The following SSU72 variants were observed in gnomAD, a reference collection of about 807,000 sequenced individuals.
The protein encoded by SSU72 is RNA polymerase II subunit A C-terminal domain phosphatase SSU72.
A neutral mutation model predicts 22.7 loss-of-function variants in SSU72; 12 were observed. The ratio of observed to expected loss-of-function variants is 0.53; its 90% confidence interval spans 0.34 to 0.86. The LOEUF (loss-of-function observed/expected upper bound fraction) is 0.86. SSU72 is among the 40% of genes least tolerant of loss of function. The probability of loss-of-function intolerance (pLI) is 0.02; values close to 1 mark genes in which losing one functional copy is unlikely to be tolerated. For missense variants in SSU72, 151 were observed against 249.8 expected, an observed-to-expected ratio of 0.60 and a Z score of 2.67; for synonymous variants, 116 against 98.3, an observed-to-expected ratio of 1.18 and a Z score of -1.06.
chr1:1,544,767 T>C (rs774689772), intron 3 of SSU72, 96 bp downstream of exon 3: 8 of 1,576,320 alleles, frequency 5.1e-6, no homozygotes, highest in Middle Eastern at 1.7e-4. Flanking sequence ...CCCGCCACTC[T>C]AGACGGGCTG....
chr1:1,557,392 G>A (rs1384556713), intron 2 of SSU72, among the ~76,000 whole-genome samples: 3 of 151,884 alleles, frequency 2.0e-5, no homozygotes, highest in Non-Finnish European at 2.9e-5. Flanking sequence ...CAGCCTGGGC[G>A]ACAGAACAAG....
intron 1 of SSU72, among the ~76,000 whole-genome samples, chr1:1,568,711 G>T (rs1642692045): frequency 6.6e-6 from 1 of 151,894 alleles, no homozygotes; most frequent in Non-Finnish European, 1.5e-5. Flanking sequence ...GATCACTTGA[G>T]GTCGGGAGTT....
At chr1:1,558,269 T>A (rs1570391894) in intron 2 of SSU72, among the ~76,000 whole-genome samples, 1 of 149,438 alleles carries the variant, frequency 6.7e-6, no homozygotes, top group Admixed American at 6.7e-5. Context: ...GAGGGTGACG[T>A]GGCAGGATCA....
intron 4 of SSU72, among the ~76,000 whole-genome samples, chr1:1,543,050 A>G (rs931078725): frequency 1.3e-5 from 2 of 151,210 alleles, no homozygotes; most frequent in Admixed American, 6.6e-5. Flanking sequence ...TCATCAAATC[A>G]CAGAGGCAGA....
rs1238756090 is a variant in SSU72 at position 1,554,336 on chromosome 1, G to A, written c.225-9334C>T. 6.6e-6 allele frequency among the ~76,000 whole-genome samples: 1 copy of A among 151,832 alleles called. No homozygotes were observed. On this transcript the variant is annotated intron_variant, in intron 2 of 4. Transcript: ENST00000291386. This position sits in a 1 kb window ranked among gnomAD's most constrained non-coding sequence, Gnocchi z 4.1. ...TCCCCACGAAGCTGAGCATGAGGCG[G>A]ATCCGGACCACTCGGGGGTCCCCAC...
chr1:1,544,711 CT>C, intron 3 of SSU72, 151 bp downstream of exon 3: 1 of 1,069,196 alleles, frequency 9.4e-7, no homozygotes, highest in East Asian at 2.4e-5. Context: ...ACCAGCGGCC[CT>C]GCCTGCCTTC....
rs765451170 is a variant in SSU72 at position 1,543,969 on chromosome 1, T to C, written c.383A>G (p.Gln128Arg). ...CACGTGCACAGGCTGGCAGGTCTCC[T>C]GTTCTCTGGAATTCAGATCTGATTG... Reference protein sequence around the residue: ...QVVEDLNSREQETCQPVHVVN... With the variant: ...QVVEDLNSRERETCQPVHVVN... Residue 128 changes from glutamine (Q) to arginine (R), a missense_variant, in exon 4 of 5, where the codon CAG (glutamine) becomes CGG (arginine). By Grantham distance (43) the Gln-to-Arg change is conservative. Coordinates refer to ENST00000291386, the MANE Select transcript of SSU72 (RefSeq NM_014188.3). 1 of 1,613,738 alleles carries C rather than the reference T, an allele frequency of 6.2e-7. No individual in the cohort carries two copies. The highest frequency in any genetic ancestry group is 8.5e-7 in the Non-Finnish European group (1 of 1,179,830).
At chr1:1,558,642 T>C (rs1014950660) in intron 2 of SSU72, among the ~76,000 whole-genome samples, 10 of 152,236 alleles carry the variant, frequency 6.6e-5, no homozygotes, top group Non-Finnish European at 1.5e-4. Flanking sequence ...TTCACTAACT[T>C]ACATGTACAC....
chr1:1,564,841 G>C lies in SSU72; in HGVS notation c.156C>G (p.Pro52=). 4 of 1,614,090 alleles carry C rather than the reference G, an allele frequency of 2.5e-6. No homozygotes were observed. Among genetic ancestry groups the C allele is most frequent in the Non-Finnish European group, 3.4e-6 (4 of 1,180,026 alleles). The change falls in exon 2 of 5, where the codon CCC becomes CCG. Residue 52 remains proline (P), a synonymous_variant. Transcript: ENST00000291386. ...ATGTGGTTTTGAAATCATAAACATT[G>C]GGCTTGTCGGGAGCTGGTCCTGGAA... The part of the protein sequence containing the change: ...VKLPGPAPDK[P]NVYDFKTTYD...
At chr1:1,567,095 A>G (rs1011944673) in intron 1 of SSU72, among the ~76,000 whole-genome samples, 1 of 152,220 alleles carries the variant, frequency 6.6e-6, no homozygotes, top group African/African-American at 2.4e-5. Flanking sequence ...GGCCTTCCAC[A>G]GCCACAAAAG....
chr1:1,570,113 G>A (rs567223674), intron 1 of SSU72, among the ~76,000 whole-genome samples: 1 of 151,884 alleles, frequency 6.6e-6, no homozygotes, highest in South Asian at 2.1e-4. Context: ...AATAGACAAA[G>A]GACATAAACA....
chr1:1,571,191 G>A (rs1271146348), intron 1 of SSU72, among the ~76,000 whole-genome samples: 1 of 143,148 alleles, frequency 7.0e-6, no homozygotes, highest in African/African-American at 2.5e-5. Context: ...GTTGCAGTGA[G>A]CTGAAATCGC....
Position 1,564,843 on chromosome 1 carries a change from G to A in SSU72, c.154C>T (p.Pro52Ser). 1 of 1,614,152 alleles carries A rather than the reference G, an allele frequency of 6.2e-7. No individual in the cohort carries two copies. The highest frequency in any genetic ancestry group is 8.5e-7 in the Non-Finnish European group (1 of 1,180,038). ...GTGGTTTTGAAATCATAAACATTGG[G>A]CTTGTCGGGAGCTGGTCCTGGAAGC... The part of the protein sequence containing the change: ...VKLPGPAPDK[P>S]NVYDFKTTYD... Residue 52 changes from proline to serine, a missense_variant, in exon 2 of 5, where the codon CCC becomes TCC. Pro to Ser is a moderately conservative substitution (Grantham distance 74, BLOSUM62 -1). Coordinates refer to ENST00000291386, the MANE Select transcript of SSU72 (RefSeq NM_014188.3).
At position 1,574,576 on chromosome 1, in the gene SSU72, C is replaced by A; in HGVS notation, c.-19G>T. 6.3e-7 allele frequency: 1 copy of A among 1,579,416 alleles called. No individual in the cohort carries two copies. Among genetic ancestry groups the A allele is most frequent in the Non-Finnish European group, 8.6e-7 (1 of 1,166,160 alleles). ...ACGGCATGGCGGCGGCCGCAAATCC[C>A]GCGGCTCTCCCGCTTGGGTTCCCAC... On this transcript the variant is annotated 5_prime_UTR_variant, in exon 1 of 5. Transcript: ENST00000291386.
intron 2 of SSU72, chr1:1,564,138 C>T (rs1349436224): frequency 5.9e-6 from 1 of 169,004 alleles, no homozygotes; most frequent in Admixed American, 6.2e-5. Flanking sequence ...GTCAAAAACC[C>T]GGGCACTGAT....
chr1:1,544,256 G>A (rs914346850), intron 3 of SSU72, among the ~76,000 whole-genome samples: 1 of 152,192 alleles, frequency 6.6e-6, no homozygotes, highest in African/African-American at 2.4e-5. Context: ...GACTGGCATT[G>A]CGACCCTTCC....
At chr1:1,560,377 C>A (rs1478199579) in intron 2 of SSU72, among the ~76,000 whole-genome samples, 1 of 152,128 alleles carries the variant, frequency 6.6e-6, no homozygotes, top group Non-Finnish European at 1.5e-5. Context: ...GGCTCCTGGG[C>A]TCAACTGAGC....
At chr1:1,552,769 C>A (rs931368208) in intron 2 of SSU72, among the ~76,000 whole-genome samples, 2 of 152,130 alleles carry the variant, frequency 1.3e-5, no homozygotes, top group Non-Finnish European at 2.9e-5. Context: ...TCCTGTAATC[C>A]CTGCACGTTG....
intron 2 of SSU72, among the ~76,000 whole-genome samples, chr1:1,552,467 G>A (rs563656300): frequency 6.6e-6 from 1 of 152,340 alleles, no homozygotes; most frequent in African/African-American, 2.4e-5. Context: ...CGGTGTGACT[G>A]ACAGCACCTT....
Sources: gnomAD v4.1 joint callset for allele counts (sites outside exome capture counted in the v4.1 genomes callset) on GRCh38, gnomAD v4.1.1 for gene constraint, Gnocchi (gnomAD v3.1) non-coding constraint, MANE v1.5 for transcripts, NCBI Gene and HGNC (gene_info 2026-07-23, HGNC 2026-07-21) for gene names.